NCOA1: variants seen among roughly 807,000 people sequenced by gnomAD.
NCOA1 encodes nuclear receptor coactivator 1.
Under a neutral mutation model 150.9 loss-of-function variants are expected in NCOA1, and 35 were observed. That is an observed-to-expected ratio of 0.23 (90% CI 0.18 to 0.31). The LOEUF is 0.31. Among genes scored for constraint, NCOA1 ranks in the 10% least tolerant of loss-of-function variants. The pLI is 1.00. For synonymous variants in NCOA1, 590 were observed against 630.0 expected (o/e 0.94, Z 0.95); for missense variants, 1,491 against 1,749.3 (o/e 0.85, Z 2.63).
chr2:24,613,442 C>G (rs138670047), intron 3 of NCOA1, among the ~76,000 whole-genome samples: 7 of 152,192 alleles, frequency 4.6e-5, no homozygotes, highest in African/African-American at 1.7e-4. Context: ...CCCCTGATGG[C>G]AGGCACAATC....
intron 14 of NCOA1, among the ~76,000 whole-genome samples, chr2:24,716,621 A>G (rs1337144560): frequency 6.6e-6 from 1 of 152,238 alleles, no homozygotes; most frequent in African/African-American, 2.4e-5. Flanking sequence ...AAAAAAAGTC[A>G]TTGAGATAGA....
intron 2 of NCOA1, among the ~76,000 whole-genome samples, chr2:24,567,319 C>A (rs535974951): frequency 1.1e-4 from 16 of 152,174 alleles, no homozygotes; most frequent in African/African-American, 3.6e-4. Context: ...ATATATAGTT[C>A]GTCTTAGTAC....
chr2:24,510,933 T>TCACAACACAAAGTTGTA (rs1258022231), intron 1 of NCOA1, among the ~76,000 whole-genome samples: 2 of 152,210 alleles, frequency 1.3e-5, no homozygotes, highest in Non-Finnish European at 2.9e-5. Flanking sequence ...TGTACAACCA[T>TCACAACACAAAGTTGTA]CACCATTGTG....
intron 1 of NCOA1, among the ~76,000 whole-genome samples, chr2:24,512,284 T>A (rs1184143958): frequency 6.6e-6 from 1 of 152,156 alleles, no homozygotes; most frequent in Admixed American, 6.5e-5. Context: ...ATTTTATAAA[T>A]AAAAAAAGTT....
In NCOA1 at chr2:24,762,727, A is replaced by T. The variant is rs750935935; in HGVS notation, c.4106A>T (p.Asn1369Ile). 6.2e-7 allele frequency: 1 copy of T among 1,614,020 alleles called. No homozygotes were observed. Among genetic ancestry groups the T allele is most frequent in the Admixed American group, 1.7e-5 (1 of 60,008 alleles). Residue 1369 changes from asparagine to isoleucine, a missense_variant, in exon 22 of 23, where the codon AAC (asparagine) becomes ATC (isoleucine). Asn to Ile is a moderately radical substitution (Grantham distance 149). Transcript: ENST00000348332. ...PALRHTGLYC[N>I]QLSSTDLLKT... Reference sequence around the variant, plus strand: ...CTGAGACACACAGGCCTCTACTGCAACCAGCTCTCATCCACTGACCTTCTC... The same window carrying T: ...CTGAGACACACAGGCCTCTACTGCATCCAGCTCTCATCCACTGACCTTCTC...
chr2:24,561,382 A>T (rs563715463), intron 1 of NCOA1, among the ~76,000 whole-genome samples: 1 of 152,326 alleles, frequency 6.6e-6, no homozygotes, highest in African/African-American at 2.4e-5. Flanking sequence ...TAGATATTGA[A>T]AGATAGGAAG....
At chr2:24,698,303 A>G (rs905451998) in intron 11 of NCOA1, among the ~76,000 whole-genome samples, 1 of 152,184 alleles carries the variant, frequency 6.6e-6, no homozygotes, top group Admixed American at 6.6e-5. Context: ...CATTCTCAGC[A>G]GAACAAGCAT....
At chr2:24,633,513 G>A (rs778500813) in intron 3 of NCOA1, among the ~76,000 whole-genome samples, 2 of 152,074 alleles carry the variant, frequency 1.3e-5, no homozygotes, top group Non-Finnish European at 2.9e-5. Flanking sequence ...AATTGAAGGC[G>A]AAGTACTTAT....
intron 3 of NCOA1, among the ~76,000 whole-genome samples, chr2:24,599,689 T>C (rs1171140127): frequency 2.0e-5 from 3 of 151,818 alleles, no homozygotes; most frequent in African/African-American, 4.8e-5. Flanking sequence ...GTAACTTATA[T>C]ACAGCCCTTC....
At chr2:24,505,335 A>G (rs540818700) in intron 1 of NCOA1, among the ~76,000 whole-genome samples, 1 of 152,024 alleles carries the variant, frequency 6.6e-6, no homozygotes, top group South Asian at 2.1e-4. Flanking sequence ...ATGTGCCACC[A>G]TGCCTGGTTC....
chr2:24,529,124 G>T (rs1181057088), intron 1 of NCOA1, among the ~76,000 whole-genome samples: 1 of 152,154 alleles, frequency 6.6e-6, no homozygotes, highest in African/African-American at 2.4e-5. Flanking sequence ...CTGACCTCGT[G>T]ATCTGTTTGC....
At chr2:24,547,890 G>T (rs1307148785) in intron 1 of NCOA1, among the ~76,000 whole-genome samples, 2 of 149,972 alleles carry the variant, frequency 1.3e-5, no homozygotes, top group Middle Eastern at 3.5e-3. Context: ...TCGGGAGACT[G>T]AGGCAGGAGA....
At chr2:24,646,361 A>G (rs912601779) in intron 4 of NCOA1, among the ~76,000 whole-genome samples, 2 of 152,174 alleles carry the variant, frequency 1.3e-5, no homozygotes. Flanking sequence ...TCACTCTAAA[A>G]TATTTCCTAC....
chr2:24,724,080 T>TTTTTG (rs200648819), intron 14 of NCOA1, among the ~76,000 whole-genome samples: 1,659 of 151,746 alleles, frequency 0.011, 12 homozygotes, highest in African/African-American at 0.02. Flanking sequence ...TTTTGTTTGT[T>TTTTTG]TTTTGTTTTG....
At position 24,757,046 on chromosome 2, in the gene NCOA1, A is replaced by G. The variant is rs563765913; in HGVS notation, c.3882-927A>G. Among the ~76,000 whole-genome samples the G allele has an allele frequency of 1.1e-4, 16 of 152,362 alleles. No homozygotes were observed. In the South Asian group the frequency reaches 3.1e-3, roughly 30 times the overall value. On this transcript the variant is annotated intron_variant, in intron 20 of 22. Coordinates refer to ENST00000348332, the MANE Select transcript of NCOA1 (RefSeq NM_003743.5). ...CACCTAAAAACATTTGGTTGTATACATCTGGCTTCCTCTTAATTTGTAGCA... is the reference window on the plus strand; with the variant it reads ...CACCTAAAAACATTTGGTTGTATACGTCTGGCTTCCTCTTAATTTGTAGCA...
At chr2:24,726,834 T>TAAAAA in intron 15 of NCOA1, 128 bp downstream of exon 15, 4 of 204,292 alleles carry the variant, frequency 2.0e-5, no homozygotes, top group South Asian at 1.4e-4. Context: ...AAATACTTAC[T>TAAAAA]AAAAAAAAAA....
rs768413772 is a variant in NCOA1 at position 24,632,478 on chromosome 2, C to T, written c.-174-11488C>T. On this transcript the variant is annotated intron_variant, in intron 3 of 22. Transcript: ENST00000348332. ...GACAAGTGGGAGGCTTGAGGTCCAT[C>T]TTATAGGTTAAAACAGAGGGTCTCT... Among the ~76,000 whole-genome samples the T allele has an allele frequency of 1.4e-3, 217 of 152,138 alleles. 2 individuals carry two copies. The highest frequency in any genetic ancestry group is 2.0e-3 in the Non-Finnish European group (135 of 68,018).
intron 14 of NCOA1, among the ~76,000 whole-genome samples, chr2:24,723,494 C>T (rs1674459297): frequency 1.3e-5 from 2 of 152,160 alleles, no homozygotes; most frequent in Non-Finnish European, 2.9e-5. Context: ...GCCAAATAGT[C>T]CTTTCCAGCA....
intron 1 of NCOA1, among the ~76,000 whole-genome samples, chr2:24,504,843 G>A (rs1042390043): frequency 6.6e-6 from 1 of 152,168 alleles, no homozygotes; most frequent in Non-Finnish European, 1.5e-5. Flanking sequence ...GGAGTAAAGG[G>A]CTTAGATACT....
Sources: allele counts gnomAD v4.1 joint callset (sites outside exome capture counted in the v4.1 genomes callset), GRCh38; gene constraint gnomAD v4.1.1; transcripts MANE v1.5; gene names NCBI Gene and HGNC (gene_info 2026-07-23, HGNC 2026-07-21).